Variants in NFIB observed in about 807,000 individuals in gnomAD.
NFIB encodes nuclear factor 1 B-type.
A neutral mutation model predicts 61.5 loss-of-function variants in NFIB; 11 were observed. The ratio of observed to expected loss-of-function variants is 0.18; its 90% confidence interval spans 0.11 to 0.30. The LOEUF is 0.30. Among genes scored for constraint, NFIB ranks in the 10% least tolerant of loss-of-function variants. NFIB has a pLI of 1.00. For missense variants in NFIB, 471 were observed against 608.9 expected (o/e 0.77, Z 2.38); for synonymous variants, 260 against 216.5 (o/e 1.20, Z -1.76).
intron 2 of NFIB, among the ~76,000 whole-genome samples, chr9:14,219,381 TAAAAAAAAAAA>T (rs751279935): frequency 5.4e-5 from 4 of 73,516 alleles, no homozygotes; most frequent in South Asian, 6.5e-4. Context: ...AGCACTAGGG[TAAAAAAAAAAA>T]AAAAAAAAAA....
At chr9:14,175,714 G>A (rs2131398851) in intron 3 of NFIB, among the ~76,000 whole-genome samples, 1 of 152,246 alleles carries the variant, frequency 6.6e-6, no homozygotes, top group African/African-American at 2.4e-5. Flanking sequence ...AAAAAGGAAA[G>A]TAGCATGTTA....
In NFIB at chr9:14,086,245, C is replaced by T. The variant is rs948089789; in HGVS notation, c.*2064G>A. The T allele has an allele frequency of 1.8e-5, 4 of 222,070 alleles. No individual in the cohort carries two copies. The highest frequency in any genetic ancestry group is 3.6e-5 in the Non-Finnish European group (4 of 111,036). 13.8% of individuals were successfully genotyped at this position (222,070 alleles called of 1,614,324 possible). A position where few individuals can be genotyped will look rare whatever the true frequency, so the allele number is the denominator to read the frequency against. ...GTGTTAAAAATCCTCCCACCCACCC[C>T]AGAATATATATATATGTATATTAAA... On this transcript the variant is annotated 3_prime_UTR_variant, in exon 11 of 11. Transcript: ENST00000380953.
chr9:14,405,582 G>A, the NFIB span, among the ~76,000 whole-genome samples: 8 of 152,098 alleles, frequency 5.3e-5, no homozygotes, highest in Non-Finnish European at 1.2e-4. Flanking sequence ...TAGGGAAAAG[G>A]GTTGGAAAAC....
the NFIB span, among the ~76,000 whole-genome samples, chr9:14,450,679 T>C: frequency 7.2e-4 from 110 of 152,276 alleles, no homozygotes; most frequent in Non-Finnish European, 1.3e-3. Flanking sequence ...ATAAATACTC[T>C]AACTTTGTCC....
chr9:14,151,721 G>A (rs532759258), intron 4 of NFIB, among the ~76,000 whole-genome samples: 10 of 152,208 alleles, frequency 6.6e-5, no homozygotes, highest in African/African-American at 1.9e-4. Flanking sequence ...GCAAAGTGGA[G>A]ACCAGGCAGG....
At chr9:14,193,776 T>C (rs950829706) in intron 2 of NFIB, among the ~76,000 whole-genome samples, 2 of 152,192 alleles carry the variant, frequency 1.3e-5, no homozygotes, top group Non-Finnish European at 2.9e-5. Context: ...CTTAATGTTT[T>C]AAACTGTGCT....
the NFIB span, among the ~76,000 whole-genome samples, chr9:14,416,082 G>C: frequency 6.6e-6 from 1 of 152,136 alleles, no homozygotes; most frequent in Non-Finnish European, 1.5e-5. Flanking sequence ...AAGAAAAAAA[G>C]TCTAAACAGC....
chr9:14,448,376 T>C, the NFIB span, among the ~76,000 whole-genome samples: 1 of 152,206 alleles, frequency 6.6e-6, no homozygotes, highest in East Asian at 1.9e-4. Context: ...AGGAACTAAA[T>C]GATTGCATCC....
chr9:14,291,747 C>T (rs1229181620), intron 2 of NFIB, among the ~76,000 whole-genome samples: 2 of 151,852 alleles, frequency 1.3e-5, no homozygotes, highest in East Asian at 3.9e-4. Context: ...AGCAGAACTT[C>T]TAACAGCTCC....
the NFIB span, among the ~76,000 whole-genome samples, chr9:14,425,988 T>A: frequency 6.6e-6 from 1 of 152,116 alleles, no homozygotes; most frequent in East Asian, 1.9e-4. Context: ...TCTTCATAGG[T>A]CTATGTCCTT....
At position 14,277,344 on chromosome 9, in the gene NFIB, G is replaced by GACACAC. The variant is rs33999296; in HGVS notation, c.562+29639_562+29644dup. On this transcript the variant is annotated intron_variant, in intron 2 of 10. Transcript: ENST00000380953. ...GCGCACACACGTGCACGCACACACA[G>GACACAC]ACACACACACACACACACACACACA... 5.3e-3 allele frequency among the ~76,000 whole-genome samples: 796 copies of GACACAC among 149,350 alleles called. 3 individuals are homozygous for GACACAC. Among genetic ancestry groups the GACACAC allele is most frequent in the African/African-American group, 0.013 (536 of 40,838 alleles).
chr9:14,193,687 T>C (rs1375943444), intron 2 of NFIB, among the ~76,000 whole-genome samples: 18 of 152,222 alleles, frequency 1.2e-4, no homozygotes, highest in Non-Finnish European at 2.9e-5. Context: ...CAAAAATATT[T>C]ATGTTCATAC....
At chr9:14,379,787 A>G (rs2061463158) in intron 1 of NFIB, among the ~76,000 whole-genome samples, 1 of 152,034 alleles carries the variant, frequency 6.6e-6, no homozygotes, top group Non-Finnish European at 1.5e-5. Context: ...GGTTCAAGCA[A>G]TTCTCCTACC....
chr9:14,304,570 G>A (rs773610479), intron 2 of NFIB, among the ~76,000 whole-genome samples: 1 of 152,178 alleles, frequency 6.6e-6, no homozygotes, highest in Non-Finnish European at 1.5e-5. Context: ...TTTTCTCCCA[G>A]TCATTTAGAA....
At chr9:14,283,808 A>G (rs1211809736) in intron 2 of NFIB, among the ~76,000 whole-genome samples, 2 of 152,248 alleles carry the variant, frequency 1.3e-5, no homozygotes, top group Non-Finnish European at 2.9e-5. Context: ...TAGGACAAAC[A>G]GATGCACATC....
At chr9:14,431,361 T>A in the NFIB span, among the ~76,000 whole-genome samples, 450 of 151,646 alleles carry the variant, frequency 3.0e-3, 2 homozygotes, top group African/African-American at 0.01. Flanking sequence ...TCACATTTTT[T>A]AAAAAAAAAC....
the NFIB span, among the ~76,000 whole-genome samples, chr9:14,404,184 C>T: frequency 6.6e-6 from 1 of 152,152 alleles, no homozygotes; most frequent in Non-Finnish European, 1.5e-5. Flanking sequence ...TATTGAAGCT[C>T]TTTTACTCTT....
upstream of NFIB, among the ~76,000 whole-genome samples, chr9:14,400,456 C>T (rs1362415651): frequency 6.6e-6 from 1 of 151,806 alleles, no homozygotes. Context: ...TTTTTTGACC[C>T]AACTTTGGAT....
chr9:14,260,400 T>C (rs2132228521), intron 2 of NFIB, among the ~76,000 whole-genome samples: 1 of 152,356 alleles, frequency 6.6e-6, no homozygotes. Flanking sequence ...TTTTCAGTCA[T>C]GTAAATATCC....
Sources: allele counts gnomAD v4.1 joint callset (sites outside exome capture counted in the v4.1 genomes callset), GRCh38; gene constraint gnomAD v4.1.1; transcripts MANE v1.5; gene names NCBI Gene and HGNC (gene_info 2026-07-23, HGNC 2026-07-21).